SUMF1: variants seen among roughly 807,000 people sequenced by gnomAD.
The protein encoded by SUMF1 is sulfatase modifying factor 1.
SUMF1 carries 48 observed loss-of-function variants against 47.6 expected under a neutral mutation model. The observed-to-expected ratio is 1.01, with a 90% CI of 0.80 to 1.28. The LOEUF (loss-of-function observed/expected upper bound fraction) is 1.28, where lower values mean the gene tolerates loss of function less well. Ranked by LOEUF, SUMF1 falls within the 50% of genes most tolerant of loss-of-function variation. The probability of loss-of-function intolerance (pLI) is 0.00; values close to 1 mark genes in which losing one functional copy is unlikely to be tolerated. For synonymous variants in SUMF1, 230 were observed against 192.1 expected (o/e 1.20, Z -1.63); for missense variants, 571 against 485.4 (o/e 1.18, Z -1.66).
intron 8 of SUMF1, among the ~76,000 whole-genome samples, chr3:4,136,622 G>A (rs1376525017): frequency 1.3e-5 from 2 of 151,698 alleles, no homozygotes; most frequent in African/African-American, 4.9e-5. Context: ...TTGACAAATG[G>A]GATCTAATTA....
At chr3:4,456,006 A>ATT (rs1703148153) in intron 1 of SUMF1, among the ~76,000 whole-genome samples, 1 of 152,244 alleles carries the variant, frequency 6.6e-6, no homozygotes, top group African/African-American at 2.4e-5. Context: ...TCAACAGCAC[A>ATT]TTAAAGGGAT....
rs367907715 is a variant in SUMF1 at position 4,311,292 on chromosome 3, C to T, written c.1014+65038G>A. 1.1e-4 allele frequency among the ~76,000 whole-genome samples: 16 copies of T among 152,252 alleles called. 1 individual carries two copies. In the East Asian group the frequency reaches 1.9e-3, roughly 18 times the overall value. ...AGTATAACTATCTGCTGTTCAATAC[C>T]TTTCTAAAGCCTGGCCTGGAGACAA... is the stretch of plus-strand genomic sequence containing the variant. On this transcript the variant is annotated intron_variant and NMD_transcript_variant, in intron 8 of 12. Coordinates refer to the SUMF1 transcript ENST00000448413.
At chr3:4,134,159 A>G (rs886713344) in intron 8 of SUMF1, among the ~76,000 whole-genome samples, 1 of 152,156 alleles carries the variant, frequency 6.6e-6, no homozygotes, top group Non-Finnish European at 1.5e-5. Flanking sequence ...TATCAACAGA[A>G]TATACATTCC....
chr3:4,121,794 G>C (rs546693370), intron 8 of SUMF1, among the ~76,000 whole-genome samples: 1 of 151,998 alleles, frequency 6.6e-6, no homozygotes, highest in African/African-American at 2.4e-5. Context: ...TGAGGGTTAT[G>C]TACAGATTAT....
At chr3:4,427,176 A>C (rs1241161799) in intron 3 of SUMF1, among the ~76,000 whole-genome samples, 2 of 152,226 alleles carry the variant, frequency 1.3e-5, no homozygotes. Flanking sequence ...AATTATGCAT[A>C]CTCAAGTGTA....
chr3:4,050,034 G>A (rs1457581590), intron 9 of SUMF1, among the ~76,000 whole-genome samples: 4 of 151,764 alleles, frequency 2.6e-5, no homozygotes, highest in East Asian at 1.9e-4. Context: ...TCTCTCCCAC[G>A]CCATTCTGCC....
At chr3:4,285,365 T>C (rs1697612285) in intron 8 of SUMF1, among the ~76,000 whole-genome samples, 1 of 152,136 alleles carries the variant, frequency 6.6e-6, no homozygotes, top group South Asian at 2.1e-4. Context: ...TGGCTAAAGC[T>C]AAATACCAAA....
At chr3:4,165,862 TC>T (rs3048242) in intron 8 of SUMF1, among the ~76,000 whole-genome samples, 56,684 of 137,528 alleles carry the variant, frequency 0.41, 13,066 homozygotes, top group Non-Finnish European at 0.5. Flanking sequence ...TTTGTTTGTT[TC>T]CCCCCCCCCC....
chr3:4,214,622 T>C (rs1176305047), intron 8 of SUMF1, among the ~76,000 whole-genome samples: 1 of 152,032 alleles, frequency 6.6e-6, no homozygotes, highest in Non-Finnish European at 1.5e-5. Flanking sequence ...CCAGGAGCTG[T>C]TTTTTGAAAA....
intron 8 of SUMF1, chr3:4,317,147 C>T (rs1310506493): frequency 1.9e-5 from 30 of 1,547,388 alleles, no homozygotes; most frequent in African/African-American, 5.5e-5. Context: ...TCCAAGAGTT[C>T]GTCGAATCCC....
At chr3:4,142,662 T>G (rs928217806) in intron 8 of SUMF1, among the ~76,000 whole-genome samples, 5 of 151,988 alleles carry the variant, frequency 3.3e-5, no homozygotes, top group African/African-American at 1.2e-4. Context: ...ATAGGTACCT[T>G]GGGAATCAGG....
At chr3:4,294,711 G>A (rs1379992148) in intron 8 of SUMF1, among the ~76,000 whole-genome samples, 4 of 152,016 alleles carry the variant, frequency 2.6e-5, no homozygotes, top group African/African-American at 9.7e-5. Context: ...AAAGCAATAT[G>A]TAAAACATAT....
At chr3:4,411,828 C>T (rs1309752181) in intron 6 of SUMF1, among the ~76,000 whole-genome samples, 1 of 151,534 alleles carries the variant, frequency 6.6e-6, no homozygotes, top group Non-Finnish European at 1.5e-5. Flanking sequence ...AGAAAAATTT[C>T]ATTTTTAAAA....
chr3:4,426,699 G>C (rs1702079677), intron 3 of SUMF1, among the ~76,000 whole-genome samples: 2 of 152,208 alleles, frequency 1.3e-5, no homozygotes, highest in Non-Finnish European at 2.9e-5. Flanking sequence ...GCAGCAGCAT[G>C]AGTGGACTGG....
intron 8 of SUMF1, among the ~76,000 whole-genome samples, chr3:4,191,943 AAG>A (rs1395701846): frequency 1.3e-5 from 2 of 152,172 alleles, no homozygotes; most frequent in African/African-American, 4.8e-5. Flanking sequence ...ATTCTGTGAG[AAG>A]AGTGTTATTT....
chr3:4,176,012 A>C (rs538799167), intron 8 of SUMF1, among the ~76,000 whole-genome samples: 2 of 152,194 alleles, frequency 1.3e-5, no homozygotes, highest in Non-Finnish European at 2.9e-5. Flanking sequence ...GAAATGAACA[A>C]AGCCTCCAAG....
intron 8 of SUMF1, among the ~76,000 whole-genome samples, chr3:4,110,054 T>G (rs985395725): frequency 6.6e-6 from 1 of 152,098 alleles, no homozygotes; most frequent in Non-Finnish European, 1.5e-5. Flanking sequence ...ATCTTTGTGG[T>G]TTTATCTACC....
intron 3 of SUMF1, among the ~76,000 whole-genome samples, chr3:4,424,641 G>A (rs1018599579): frequency 6.6e-6 from 1 of 152,072 alleles, no homozygotes; most frequent in African/African-American, 2.4e-5. Context: ...ATGAAAAAAG[G>A]AATACTATAC....
chr3:4,160,315 T>C (rs1436948024), intron 8 of SUMF1, among the ~76,000 whole-genome samples: 4 of 151,836 alleles, frequency 2.6e-5, no homozygotes, highest in Admixed American at 1.3e-4. Flanking sequence ...TCTTGACTCA[T>C]TGCAATCTCC....
Sources: gnomAD v4.1 joint callset for allele counts (sites outside exome capture counted in the v4.1 genomes callset) on GRCh38, gnomAD v4.1.1 for gene constraint, MANE v1.5 for transcripts, NCBI Gene and HGNC (gene_info 2026-07-23, HGNC 2026-07-21) for gene names.